Variants in GRAMD2A observed in about 807,000 individuals in gnomAD.
The protein encoded by GRAMD2A is GRAM domain containing 2A, also known as GRAM domain-containing protein 2A.
In GRAMD2A, 37 loss-of-function variants were observed where a neutral mutation model predicts 51.1. The observed-to-expected ratio is 0.72, with a 90% CI of 0.56 to 0.95. The LOEUF is 0.95. GRAMD2A is among the 40% of genes least tolerant of loss of function. The pLI is 0.00. For synonymous variants in GRAMD2A, 136 were observed against 157.1 expected, an observed-to-expected ratio of 0.87 and a Z score of 1.01; for missense variants, 414 against 426.9, an observed-to-expected ratio of 0.97 and a Z score of 0.27.
In GRAMD2A at chr15:72,162,066, C is replaced by T. The variant is rs143962351; in HGVS notation, c.1062-54G>A. 2.6e-5 allele frequency: 42 copies of T among 1,611,198 alleles called. No individual in the cohort carries two copies. In the Admixed American group the frequency reaches 3.0e-4, roughly 12 times the overall value. Reference sequence around the variant, plus strand: ...GGAAAGGGCCCAGAATGCAGACGGACGTGGGCAGAAGGGCCAGTGATAACT... The same window carrying T: ...GGAAAGGGCCCAGAATGCAGACGGATGTGGGCAGAAGGGCCAGTGATAACT... On this transcript the variant is annotated intron_variant, in intron 11 of 11. Coordinates refer to ENST00000309731, the MANE Select transcript of GRAMD2A (RefSeq NM_001012642.3).
intron 1 of GRAMD2A, among the ~76,000 whole-genome samples, chr15:72,184,500 A>G (rs892907904): frequency 1.3e-5 from 2 of 152,190 alleles, no homozygotes; most frequent in Non-Finnish European, 2.9e-5. Context: ...CGCCCCTCTG[A>G]GCCCCTTCCT....
chr15:72,193,690 T>C (rs1312436865), intron 1 of GRAMD2A, among the ~76,000 whole-genome samples: 1 of 151,516 alleles, frequency 6.6e-6, no homozygotes, highest in Non-Finnish European at 1.5e-5. Flanking sequence ...GCCTGGCTAA[T>C]TTTTTTTCTG....
In GRAMD2A at chr15:72,165,529, T is replaced by C. The variant is rs1013017100; in HGVS notation, c.544-119A>G. ...TCCAAATAAGCCACTTTGTGTCAGG[T>C]GAAGCCCAGCTCCCAGGGTCTATAG... On this transcript the variant is annotated intron_variant, in intron 7 of 11. Transcript: ENST00000309731. 21 of 976,622 alleles carry C rather than the reference T, an allele frequency of 2.2e-5. No individual in the cohort carries two copies. The Admixed American group carries it at 3.2e-4, about 15-fold the overall frequency. The allele number at this position is 976,622 out of a possible 1,614,324, so 60.5% of individuals were successfully genotyped here.
chr15:72,163,034 A>C (rs2081497140), intron 10 of GRAMD2A, among the ~76,000 whole-genome samples: 1 of 151,912 alleles, frequency 6.6e-6, no homozygotes, highest in Non-Finnish European at 1.5e-5. Flanking sequence ...GCCCCTCTCC[A>C]CCAAATAGTC....
At chr15:72,194,782 G>C (rs2081793032) in intron 1 of GRAMD2A, among the ~76,000 whole-genome samples, 1 of 151,994 alleles carries the variant, frequency 6.6e-6, no homozygotes, top group Non-Finnish European at 1.5e-5. Context: ...CTGCCTCCCA[G>C]GTTCCAGAGA....
At chr15:72,168,628 CT>C (rs2081575466) in intron 3 of GRAMD2A, 62 bp from the exon 4 acceptor site, 10 of 1,387,700 alleles carry the variant, frequency 7.2e-6, no homozygotes, top group Admixed American at 3.4e-5. Context: ...AGGGGCCCTG[CT>C]CCAGCCAACA....
chr15:72,194,666 A>G (rs2140563155), intron 1 of GRAMD2A, among the ~76,000 whole-genome samples: 1 of 151,992 alleles, frequency 6.6e-6, no homozygotes, highest in East Asian at 1.9e-4. Context: ...TTCCAAACTC[A>G]TATTTTTTCT....
chr15:72,183,084 G>C (rs895259651), intron 1 of GRAMD2A, among the ~76,000 whole-genome samples: 3 of 152,090 alleles, frequency 2.0e-5, no homozygotes, highest in African/African-American at 7.2e-5. Context: ...TGTTATCCAG[G>C]CTGGTCTCAA....
In GRAMD2A at chr15:72,169,920, T is replaced by C; in HGVS notation, c.61A>G (p.Lys21Glu). 6.2e-7 allele frequency: 1 copy of C among 1,614,148 alleles called. No individual in the cohort carries two copies. The highest frequency in any genetic ancestry group is 8.5e-7 in the Non-Finnish European group (1 of 1,179,994). ...EEGGNQQMHR[K>E]TASLNSPVSC... ...ACAGGACTGTTCAGAGAAGCTGTCT[T>C]TCTGTGCATTTGTTGGTTGCTAGGG... Residue 21 changes from lysine to glutamate, a missense_variant, in exon 2 of 12, where the codon AAG becomes GAG. By Grantham distance (56) the Lys-to-Glu change is moderately conservative. Transcript: ENST00000309731.
At chr15:72,191,265 T>C (rs2081765985) in intron 1 of GRAMD2A, among the ~76,000 whole-genome samples, 1 of 151,998 alleles carries the variant, frequency 6.6e-6, no homozygotes, top group Admixed American at 6.6e-5. Context: ...AATGGTGTGA[T>C]CTCAGCTCAA....
chr15:72,166,814 G>C lies in GRAMD2A; in HGVS notation c.472-111C>G. On this transcript the variant is annotated intron_variant, in intron 6 of 11. Coordinates refer to ENST00000309731, the MANE Select transcript of GRAMD2A (RefSeq NM_001012642.3). This position sits in a 1 kb window ranked among gnomAD's most constrained non-coding sequence, Gnocchi z 4.1. ...GGCCCACAGGGGTATCAGGCCATGA[G>C]AGCCAACAGAAGCTCTGCCTAGGAA... The C allele has an allele frequency of 9.7e-7, 1 of 1,030,910 alleles. No individual in the cohort carries two copies. The highest frequency in any genetic ancestry group is 1.9e-5 in the Admixed American group (1 of 53,934). The allele number at this position is 1,030,910 out of a possible 1,614,324, so 63.9% of individuals were successfully genotyped here.
chr15:72,164,170 A>G (rs2081514221), intron 8 of GRAMD2A, among the ~76,000 whole-genome samples: 1 of 152,090 alleles, frequency 6.6e-6, no homozygotes, highest in South Asian at 2.1e-4. Flanking sequence ...TGGGAACTTC[A>G]CCTTCTATCC....
At chr15:72,193,142 A>AATAG (rs891644473) in intron 1 of GRAMD2A, among the ~76,000 whole-genome samples, 2 of 151,976 alleles carry the variant, frequency 1.3e-5, no homozygotes, top group Non-Finnish European at 2.9e-5. Flanking sequence ...TAAATAAATA[A>AATAG]ATAGATAAAT....
intron 1 of GRAMD2A, among the ~76,000 whole-genome samples, chr15:72,172,439 C>A (rs2081620512): frequency 7.2e-6 from 1 of 139,728 alleles, no homozygotes; most frequent in African/African-American, 2.7e-5. Flanking sequence ...TTTTTGGAGA[C>A]AGAGTCTTGC....
chr15:72,169,655 C>T, intron 2 of GRAMD2A, 192 bp downstream of exon 2: 1 of 697,396 alleles, frequency 1.4e-6, no homozygotes, highest in South Asian at 1.5e-5. Context: ...AGCATGGACT[C>T]TGCTAGGTCC....
intron 1 of GRAMD2A, among the ~76,000 whole-genome samples, chr15:72,196,026 G>A (rs2081802937): frequency 6.6e-6 from 1 of 152,216 alleles, no homozygotes; most frequent in South Asian, 2.1e-4. Flanking sequence ...GGGGAAGTTG[G>A]GAAGGAGAAC....
At chr15:72,185,448 C>G (rs2081728836) in intron 1 of GRAMD2A, among the ~76,000 whole-genome samples, 1 of 152,222 alleles carries the variant, frequency 6.6e-6, no homozygotes, top group African/African-American at 2.4e-5. Flanking sequence ...CCTGCCTCAG[C>G]CTCCCAAAGT....
Position 72,162,491 on chromosome 15 carries a change from G to T in GRAMD2A, c.957-114C>A, listed in dbSNP as rs540277472. 23 of 721,386 alleles carry T rather than the reference G, an allele frequency of 3.2e-5. No homozygotes were observed. In the South Asian group the frequency reaches 3.7e-4, roughly 12 times the overall value. The allele number at this position is 721,386 out of a possible 1,614,324, so 44.7% of individuals were successfully genotyped here. On this transcript the variant is annotated intron_variant, in intron 10 of 11. Transcript: ENST00000309731. ...CCCCTGCAGTTGGAAGAATTAAAGA[G>T]CCCTTTGTCCTGCAGCCAGTTCAGG...
chr15:72,168,180 G>C (rs553274203), intron 4 of GRAMD2A, among the ~76,000 whole-genome samples: 1 of 152,342 alleles, frequency 6.6e-6, no homozygotes, highest in Middle Eastern at 3.4e-3. Flanking sequence ...TCTGCCCCAA[G>C]GGCCTTGATT....
Sources: gnomAD v4.1 joint callset for allele counts (sites outside exome capture counted in the v4.1 genomes callset) on GRCh38, gnomAD v4.1.1 for gene constraint, Gnocchi (gnomAD v3.1) non-coding constraint, MANE v1.5 for transcripts, NCBI Gene and HGNC (gene_info 2026-07-23, HGNC 2026-07-21) for gene names.